The following BCKDHB variants were observed in gnomAD, a reference collection of about 807,000 sequenced individuals.
BCKDHB encodes the protein branched chain keto acid dehydrogenase E1 subunit beta.
A neutral mutation model predicts 48.5 loss-of-function variants in BCKDHB; 41 were observed. That is an observed-to-expected ratio of 0.85 (90% CI 0.66 to 1.10). BCKDHB has a LOEUF of 1.10. Among genes scored for constraint, BCKDHB ranks in the 50% least tolerant of loss-of-function variants. The probability of loss-of-function intolerance (pLI) is 0.00; values close to 1 mark genes in which losing one functional copy is unlikely to be tolerated. For missense variants in BCKDHB, 496 were observed against 494.2 expected, an observed-to-expected ratio of 1.00 and a Z score of -0.03; for synonymous variants, 201 against 174.8, an observed-to-expected ratio of 1.15 and a Z score of -1.18.
rs561466251 is a variant in BCKDHB at position 80,114,756 on chromosome 6, A to G, written c.196+7867A>G. Among the ~76,000 whole-genome samples the G allele has an allele frequency of 2.0e-5, 3 of 152,332 alleles. No individual in the cohort carries two copies. In the East Asian group the frequency reaches 5.8e-4, roughly 29 times the overall value. The stretch of plus-strand genomic sequence containing the variant: ...TTTGTGCTTGTTGAAAAGCTCAAGA[A>G]ACTCAAGTGGAGAACTGATGACTGT... On this transcript the variant is annotated intron_variant, in intron 1 of 9. Transcript: ENST00000320393.
At chr6:80,199,301 G>T (rs1484764971) in intron 6 of BCKDHB, among the ~76,000 whole-genome samples, 1 of 152,128 alleles carries the variant, frequency 6.6e-6, no homozygotes, top group Admixed American at 6.5e-5. Flanking sequence ...GTTAACATTG[G>T]TTACTTCTGG....
chr6:80,462,517 T>A, the BCKDHB span, among the ~76,000 whole-genome samples: 3 of 152,176 alleles, frequency 2.0e-5, no homozygotes, highest in African/African-American at 7.2e-5. Flanking sequence ...GACATGGGAA[T>A]GATAGAGAGA....
chr6:80,434,098 G>A, the BCKDHB span, among the ~76,000 whole-genome samples: 1 of 151,762 alleles, frequency 6.6e-6, no homozygotes, highest in African/African-American at 2.4e-5. Flanking sequence ...GTTTATATAT[G>A]TATATGTGTC....
intron 6 of BCKDHB, among the ~76,000 whole-genome samples, chr6:80,199,347 A>G (rs561804365): frequency 6.6e-6 from 1 of 152,282 alleles, no homozygotes; most frequent in South Asian, 2.1e-4. Flanking sequence ...GGAGCCTTCC[A>G]GAGGGAGGCT....
chr6:80,127,114 T>C (rs1393251483), intron 1 of BCKDHB, among the ~76,000 whole-genome samples: 1 of 152,158 alleles, frequency 6.6e-6, no homozygotes, highest in Non-Finnish European at 1.5e-5. Context: ...CCCTTCCTTA[T>C]TGTTTTATGG....
At chr6:80,363,709 T>C in the BCKDHB span, among the ~76,000 whole-genome samples, 16 of 152,344 alleles carry the variant, frequency 1.1e-4, no homozygotes, top group African/African-American at 2.9e-4. Flanking sequence ...ATGTCCATGC[T>C]ACCCAGAATA....
chr6:80,203,234 A>T, intron 8 of BCKDHB, 22 bp downstream of exon 8: 1 of 1,505,548 alleles, frequency 6.6e-7, no homozygotes, highest in Non-Finnish European at 9.2e-7. Context: ...ATGGTGATAG[A>T]ATGTCATTTC....
intron 9 of BCKDHB, among the ~76,000 whole-genome samples, chr6:80,289,284 C>T (rs922174855): frequency 1.6e-4 from 25 of 151,952 alleles, no homozygotes; most frequent in African/African-American, 5.3e-4. Context: ...GAGTACTTTA[C>T]GGGTTATACA....
chr6:80,457,548 G>T, the BCKDHB span, among the ~76,000 whole-genome samples: 1 of 152,108 alleles, frequency 6.6e-6, no homozygotes, highest in Admixed American at 6.5e-5. Context: ...CCCTTCATTG[G>T]CTGCCAGCTA....
At chr6:80,341,453 A>G (rs1769901388) in intron 9 of BCKDHB, among the ~76,000 whole-genome samples, 1 of 152,204 alleles carries the variant, frequency 6.6e-6, no homozygotes, top group Non-Finnish European at 1.5e-5. Flanking sequence ...AAGGGTAACC[A>G]CTGTTTACAG....
At chr6:80,352,451 T>C in the BCKDHB span, among the ~76,000 whole-genome samples, 551 of 152,266 alleles carry the variant, frequency 3.6e-3, 7 homozygotes, top group African/African-American at 0.012. Context: ...CTAGCTCCAT[T>C]TCTGCCACAT....
intron 3 of BCKDHB, among the ~76,000 whole-genome samples, chr6:80,161,942 C>T (rs948139750): frequency 2.6e-5 from 4 of 152,134 alleles, no homozygotes; most frequent in African/African-American, 7.2e-5. Context: ...CTTTCATTTC[C>T]CTGATTACCT....
chr6:80,273,109 C>G (rs759198446), intron 8 of BCKDHB, 26 bp from the exon 9 acceptor site: 3 of 1,559,744 alleles, frequency 1.9e-6, no homozygotes, highest in Non-Finnish European at 1.8e-6. Flanking sequence ...TTCTTTTTAA[C>G]ATCAGGTTTT....
At chr6:80,259,399 G>A (rs1453957797) in intron 8 of BCKDHB, among the ~76,000 whole-genome samples, 4 of 152,324 alleles carry the variant, frequency 2.6e-5, no homozygotes, top group African/African-American at 4.8e-5. Context: ...GGACCGGGGA[G>A]CAATAACATT....
Position 80,179,339 on chromosome 6 carries a change from T to A in BCKDHB, c.742+7949T>A, listed in dbSNP as rs191985253. ...TATCTGTGGGTTCCAGAGCCATAAG[T>A]TTAACCAACCATAGATTGAAAATAT... On this transcript the variant is annotated intron_variant, in intron 6 of 9. Coordinates refer to ENST00000320393, the MANE Select transcript of BCKDHB (RefSeq NM_183050.4). Among the ~76,000 whole-genome samples, 261 of 152,328 alleles carry A rather than the reference T, an allele frequency of 1.7e-3. 1 individual carries two copies. Among genetic ancestry groups the A allele is most frequent in the African/African-American group, 6.0e-3 (251 of 41,566 alleles).
At chr6:80,149,512 A>G (rs890127092) in intron 3 of BCKDHB, among the ~76,000 whole-genome samples, 4 of 151,992 alleles carry the variant, frequency 2.6e-5, no homozygotes, top group Non-Finnish European at 5.9e-5. Context: ...ATAAAGACAC[A>G]TGCACACATA....
chr6:80,441,642 T>G, the BCKDHB span, among the ~76,000 whole-genome samples: 1 of 152,212 alleles, frequency 6.6e-6, no homozygotes, highest in East Asian at 1.9e-4. Flanking sequence ...TCCTCAGTGC[T>G]TTTTTGCAGT....
intron 9 of BCKDHB, among the ~76,000 whole-genome samples, chr6:80,280,087 G>A (rs1027696738): frequency 3.9e-5 from 6 of 152,182 alleles, no homozygotes; most frequent in South Asian, 2.1e-4. Flanking sequence ...AGGCTGTAGC[G>A]TAAGGTAAGC....
the BCKDHB span, among the ~76,000 whole-genome samples, chr6:80,432,029 C>T: frequency 3.9e-3 from 592 of 151,816 alleles, 7 homozygotes; most frequent in African/African-American, 0.014. Context: ...CCCCCATGCT[C>T]TTCTGGCTTG....
Sources: allele counts gnomAD v4.1 joint callset (sites outside exome capture counted in the v4.1 genomes callset), GRCh38; gene constraint gnomAD v4.1.1; transcripts MANE v1.5; gene names NCBI Gene and HGNC (gene_info 2026-07-23, HGNC 2026-07-21).